Variants in AIM2 observed in about 807,000 individuals in gnomAD.
AIM2 encodes the protein absent in melanoma 2.
In AIM2, 30 loss-of-function variants were observed where a neutral mutation model predicts 27.7. That is an observed-to-expected ratio of 1.08 (90% CI 0.81 to 1.47). AIM2 has a LOEUF of 1.47. Among genes scored for constraint, AIM2 ranks in the 40% most tolerant of loss-of-function variants. The pLI, the probability that AIM2 is intolerant of heterozygous loss-of-function variation, is 0.00. For missense variants in AIM2, 358 were observed against 411.3 expected, an observed-to-expected ratio of 0.87 and a Z score of 1.12; for synonymous variants, 141 against 145.3, an observed-to-expected ratio of 0.97 and a Z score of 0.21.
intron 4 of AIM2, 95 bp from the exon 5 acceptor site, chr1:159,063,769 G>A: frequency 7.9e-7 from 1 of 1,258,688 alleles, no homozygotes; most frequent in Non-Finnish European, 1.1e-6. Flanking sequence ...GCTCTAAAAA[G>A]AAATCAGTTG....
At chr1:159,073,162 C>G in intron 2 of AIM2, 76 bp downstream of exon 2, 1 of 1,570,316 alleles carries the variant, frequency 6.4e-7, no homozygotes, top group South Asian at 1.1e-5. Flanking sequence ...GGGGTCATAT[C>G]CCAGGGATGC....
intron 1 of AIM2, among the ~76,000 whole-genome samples, chr1:159,110,266 C>T (rs55682101): frequency 0.059 from 8,941 of 152,166 alleles, 843 homozygotes; most frequent in African/African-American, 0.2. Context: ...GCAACCTGGA[C>T]GAGATTGGAG....
chr1:159,091,923 GTT>G (rs1657053276), intron 1 of AIM2, among the ~76,000 whole-genome samples: 1 of 152,228 alleles, frequency 6.6e-6, no homozygotes, highest in African/African-American at 2.4e-5. Flanking sequence ...ATCCACTGAA[GTT>G]AGCAATGTAG....
rs567477388 is a variant in AIM2 at position 159,088,771 on chromosome 1, T to A, written c.-15-22442A>T. Among the ~76,000 whole-genome samples, 5 of 152,238 alleles carry A rather than the reference T, an allele frequency of 3.3e-5. No homozygotes were observed. The East Asian group carries it at 9.7e-4, about 29-fold the overall frequency. On this transcript the variant is annotated intron_variant, in intron 1 of 2. Coordinates refer to the AIM2 transcript ENST00000368129. Reference sequence around the variant, plus strand: ...AGAGACCTGAGCTAGCTCACTAAGCTGCCTCTCCATGTGATGCTCTCTGCT... The same window carrying A: ...AGAGACCTGAGCTAGCTCACTAAGCAGCCTCTCCATGTGATGCTCTCTGCT...
At chr1:159,135,788 T>G (rs558862783) in intron 1 of AIM2, among the ~76,000 whole-genome samples, 31 of 152,292 alleles carry the variant, frequency 2.0e-4, no homozygotes, top group African/African-American at 7.5e-4. Context: ...CCCTTCAGAT[T>G]CAGGACTGAG....
chr1:159,136,066 G>A (rs1020696584), intron 1 of AIM2, among the ~76,000 whole-genome samples: 21 of 152,136 alleles, frequency 1.4e-4, no homozygotes, highest in Non-Finnish European at 2.8e-4. Context: ...TTCTCTGCTC[G>A]TAGCCCTAGA....
At chr1:159,079,319 G>A (rs192848238), upstream of AIM2, among the ~76,000 whole-genome samples, 1 of 152,106 alleles carries the variant, frequency 6.6e-6, no homozygotes, top group Admixed American at 6.5e-5. Flanking sequence ...TAAAGCTGAA[G>A]ATCTCTTTCT....
downstream of AIM2, among the ~76,000 whole-genome samples, chr1:159,059,269 AACAC>A (rs142543433): frequency 6.6e-6 from 1 of 150,612 alleles, no homozygotes; most frequent in South Asian, 2.1e-4. Context: ...ACACACACCA[AACAC>A]ACACACACAC....
At chr1:159,132,313 A>G (rs1647908730) in intron 1 of AIM2, 2 of 151,998 alleles carry the variant, frequency 1.3e-5, no homozygotes, top group Admixed American at 6.6e-5. Flanking sequence ...GGTTGTAGTC[A>G]GTGGAGATTG....
intron 1 of AIM2, among the ~76,000 whole-genome samples, chr1:159,128,724 C>A (rs191467341): frequency 1.1e-4 from 17 of 152,254 alleles, no homozygotes; most frequent in Admixed American, 5.9e-4. Flanking sequence ...TAGGGAAAAT[C>A]ACACAACTAT....
At chr1:159,120,629 G>T (rs1647511289) in intron 1 of AIM2, among the ~76,000 whole-genome samples, 1 of 152,164 alleles carries the variant, frequency 6.6e-6, no homozygotes, top group Admixed American at 6.5e-5. Context: ...GTGTAAAACT[G>T]CCATTGAGGG....
intron 1 of AIM2, among the ~76,000 whole-genome samples, chr1:159,094,637 G>T (rs1289563243): frequency 1.3e-5 from 2 of 152,174 alleles, no homozygotes; most frequent in African/African-American, 4.8e-5. Context: ...GGCAAAGGTT[G>T]CAGTGAGCCA....
upstream of AIM2, chr1:159,081,548 G>T: frequency 2.0e-6 from 1 of 507,742 alleles, no homozygotes; most frequent in Non-Finnish European, 4.0e-6. Context: ...AAAATCCAGA[G>T]GCTCCTCAGG....
chr1:159,081,355 A>G (rs1656770845), upstream of AIM2: 1 of 292,932 alleles, frequency 3.4e-6, no homozygotes, highest in Non-Finnish European at 6.8e-6. Flanking sequence ...TGCACCACAT[A>G]AAAATCTTTG....
At chr1:159,094,769 AC>A (rs1266360261) in intron 1 of AIM2, among the ~76,000 whole-genome samples, 1 of 152,202 alleles carries the variant, frequency 6.6e-6, no homozygotes, top group Non-Finnish European at 1.5e-5. Flanking sequence ...AACTTGACAT[AC>A]CATACAAATT....
chr1:159,111,003 G>A (rs909833333), intron 1 of AIM2, among the ~76,000 whole-genome samples: 1 of 152,088 alleles, frequency 6.6e-6, no homozygotes, highest in African/African-American at 2.4e-5. Flanking sequence ...AAGGCAGGTA[G>A]AGCTCTAATA....
At chr1:159,135,226 C>T (rs909693725) in intron 1 of AIM2, among the ~76,000 whole-genome samples, 1 of 152,160 alleles carries the variant, frequency 6.6e-6, no homozygotes, top group Non-Finnish European at 1.5e-5. Context: ...TGTCAGTTTT[C>T]CCTCTATTTA....
chr1:159,077,775 C>T (rs1038676683), upstream of AIM2, among the ~76,000 whole-genome samples: 1 of 152,172 alleles, frequency 6.6e-6, no homozygotes, highest in Non-Finnish European at 1.5e-5. Context: ...GGGCTTGATT[C>T]TAGTCAGCAA....
chr1:159,121,816 A>C (rs1281818636), intron 1 of AIM2, among the ~76,000 whole-genome samples: 1 of 152,216 alleles, frequency 6.6e-6, no homozygotes, highest in Non-Finnish European at 1.5e-5. Flanking sequence ...CATGTCACTG[A>C]AACTTAAAAG....
Sources: gnomAD v4.1 joint callset for allele counts (sites outside exome capture counted in the v4.1 genomes callset) on GRCh38, gnomAD v4.1.1 for gene constraint, MANE v1.5 for transcripts, NCBI Gene and HGNC (gene_info 2026-07-23, HGNC 2026-07-21) for gene names.